The following RNF213 variants were observed in gnomAD, a reference collection of about 807,000 sequenced individuals.
RNF213 encodes the protein ring finger protein 213, also known as E3 ubiquitin-protein ligase RNF213.
Under a neutral mutation model 514.4 loss-of-function variants are expected in RNF213, and 341 were observed. The ratio of observed to expected loss-of-function variants is 0.66; its 90% CI spans 0.61 to 0.73. RNF213 has a LOEUF of 0.73. Among genes scored for constraint, RNF213 ranks in the 30% least tolerant of loss-of-function variants. The probability of loss-of-function intolerance (pLI) is 0.00; values close to 1 mark genes in which losing one functional copy is unlikely to be tolerated. For missense variants in RNF213, 5,767 were observed against 6,615.6 expected (o/e 0.87, Z 4.45); for synonymous variants, 2,655 against 2,658.2 (o/e 1.00, Z 0.04).
chr17:80,281,943 G>A (rs190174048), intron 3 of RNF213, among the ~76,000 whole-genome samples: 194 of 151,970 alleles, frequency 1.3e-3, no homozygotes, highest in African/African-American at 4.4e-3. Flanking sequence ...TGCAACCTCC[G>A]CCTCCTGGGT....
chr17:80,300,784 T>G (rs946851548), intron 11 of RNF213, among the ~76,000 whole-genome samples: 3 of 152,052 alleles, frequency 2.0e-5, no homozygotes, highest in African/African-American at 7.2e-5. Context: ...ACCCCAGACC[T>G]CAAGTGATCC....
intron 67 of RNF213, 64 bp downstream of exon 67, chr17:80,390,260 T>C (rs2080411484): frequency 1.3e-6 from 2 of 1,513,876 alleles, no homozygotes; most frequent in Non-Finnish European, 1.8e-6. Flanking sequence ...CCTGTGATCT[T>C]CTATAGACAC....
chr17:80,328,299 G>C (rs570382384), intron 19 of RNF213, 29 bp from the exon 20 acceptor site: 1,402 of 1,527,326 alleles, frequency 9.2e-4, no homozygotes, highest in Non-Finnish European at 1.1e-3. Context: ...GCTGTATTGG[G>C]TTACTTTATT....
rs146548999 is a variant in RNF213, at chr17:80,351,767, G to A, written c.10267G>A (p.Val3423Met). 1.9e-6 allele frequency: 3 copies of A among 1,611,800 alleles called. No individual in the cohort carries two copies. Among genetic ancestry groups the A allele is most frequent in the Admixed American group, 1.7e-5 (1 of 60,008 alleles). Residue 3423 changes from valine (V) to methionine (M), a missense_variant, in exon 32 of 68, where the codon GTG (valine) becomes ATG (methionine). By Grantham distance (21) the Val-to-Met change is conservative. Transcript: ENST00000582970. ...FVYFITKLSR[V>M]GRGTAYVGFH... ...CTATTTCATCACAAAACTGTCCCGGGTGGGAAGAGGAACAGCCTATGTGGG... is the reference window on the plus strand; with the variant it reads ...CTATTTCATCACAAAACTGTCCCGGATGGGAAGAGGAACAGCCTATGTGGG...
intron 22 of RNF213, among the ~76,000 whole-genome samples, chr17:80,334,976 C>T (rs1166829563): frequency 6.7e-6 from 1 of 150,158 alleles, no homozygotes; most frequent in African/African-American, 2.5e-5. Context: ...GGCTGGAGTG[C>T]AGTGGTGCAA....
rs542723600 is a variant in RNF213 at position 80,349,596 on chromosome 17, G to A, written c.9952-174G>A. On this transcript the variant is annotated intron_variant, in intron 29 of 67. Coordinates refer to ENST00000582970, the MANE Select transcript of RNF213 (RefSeq NM_001256071.3). ...TGCCTTTGGCCCTGTAGGGCCTCTC[G>A]GCCCCAGCGCTGCCGTGTTTTGGGA... Among the ~76,000 whole-genome samples the A allele has an allele frequency of 1.1e-4, 17 of 152,274 alleles. 1 individual carries two copies. The highest frequency in any genetic ancestry group is 3.4e-3 in the Middle Eastern group (1 of 294).
intron 2 of RNF213, among the ~76,000 whole-genome samples, chr17:80,270,215 C>T (rs1325182412): frequency 6.6e-6 from 1 of 152,234 alleles, no homozygotes; most frequent in African/African-American, 2.4e-5. Flanking sequence ...ACCTCAGCAG[C>T]CTCCCTGGCT....
At position 80,295,641 on chromosome 17, in the gene RNF213, T is replaced by C. The variant is rs770588058; in HGVS notation, c.1840T>C (p.Cys614Arg). 1 of 1,614,174 alleles carries C rather than the reference T, an allele frequency of 6.2e-7. No homozygotes were observed. Among genetic ancestry groups the C allele is most frequent in the East Asian group, 2.2e-5 (1 of 44,892 alleles). Residue 614 changes from cysteine (C) to arginine (R), a missense_variant, in exon 10 of 68, where the codon TGC becomes CGC. Physicochemically the swap from Cys to Arg is radical, Grantham distance 180. Coordinates refer to ENST00000582970, the MANE Select transcript of RNF213 (RefSeq NM_001256071.3). ...GKSTDFLPVDCPVRSKLKTGL... is the reference protein window; with the variant it reads ...GKSTDFLPVDRPVRSKLKTGL... Reference sequence around the variant, plus strand: ...AAGCACGGACTTTTTGCCTGTGGACTGCCCAGTGAGGAGTAAACTGAAAAC... The same window carrying C: ...AAGCACGGACTTTTTGCCTGTGGACCGCCCAGTGAGGAGTAAACTGAAAAC...
Position 80,294,779 on chromosome 17 carries a change from A to G in RNF213, c.1531A>G (p.Met511Val). ...MKPHGRLQKV[M>V]NHITDGPRKD... ...GCCTCATGGGAGACTCCAGAAAGTC[A>G]TGAACCACATCACAGACGGGCCGAG... Residue 511 changes from methionine (M) to valine (V), a missense_variant, in exon 9 of 68, where the codon ATG (methionine) becomes GTG (valine). This residue lies in a region of RNF213 where 592 missense variants were observed against 673.9 expected (regional missense o/e 0.88). Transcript: ENST00000582970. The G allele has an allele frequency of 1.2e-6, 2 of 1,614,204 alleles. No individual in the cohort carries two copies. Among genetic ancestry groups the G allele is most frequent in the Non-Finnish European group, 1.7e-6 (2 of 1,180,050 alleles).
chr17:80,350,305 T>C lies in RNF213; in HGVS notation c.10093T>C (p.Cys3365Arg), dbSNP rs368421294. ...EYSFLKEVRN[C>R]LTNTAKCKIL... ...ATAACTTCCCTTTTCTTTCAGAAAC[T>C]GTTTAACGAATACAGCCAAATGTAA... Residue 3365 changes from cysteine to arginine, a missense_variant, in exon 31 of 68, where the codon TGT (cysteine) becomes CGT (arginine). Cys to Arg is a radical substitution (Grantham distance 180). This residue lies in a region of RNF213 where 919 missense variants were observed against 1,121.0 expected (regional missense o/e 0.82). Transcript: ENST00000582970. 2.8e-5 allele frequency: 45 copies of C among 1,593,430 alleles called. No homozygotes were observed. The African/African-American group carries it at 3.2e-4, about 11-fold the overall frequency.
At chr17:80,290,441 A>C in intron 6 of RNF213, 129 bp from the exon 7 acceptor site, 2 of 1,093,360 alleles carry the variant, frequency 1.8e-6, no homozygotes, top group South Asian at 2.5e-5. Flanking sequence ...GCGTGTGTGC[A>C]TGTGTGTGTG....
chr17:80,392,958 C>T (rs2080539948), intron 67 of RNF213, among the ~76,000 whole-genome samples: 1 of 151,084 alleles, frequency 6.6e-6, no homozygotes, highest in African/African-American at 2.4e-5. Context: ...CATGAGGGGA[C>T]TGATTGGTCC....
Position 80,339,579 on chromosome 17 carries a change from C to T in RNF213, c.5212C>T (p.Leu1738=). ...MLSFIKSNCT[L]RDVLRASVGC... ...ATCCTTCATCAAAAGCAACTGCACC[C>T]TGAGGGATGTCTTAAGGGCCTCTGT... Residue 1738 remains leucine (L), a synonymous_variant, in exon 26 of 68, where the codon CTG becomes TTG. Transcript: ENST00000582970. 6.5e-7 allele frequency: 1 copy of T among 1,537,210 alleles called. No homozygotes were observed. Among genetic ancestry groups the T allele is most frequent in the South Asian group, 1.2e-5 (1 of 84,064 alleles).
At chr17:80,373,763 G>A (rs533005390) in intron 49 of RNF213, among the ~76,000 whole-genome samples, 1 of 152,164 alleles carries the variant, frequency 6.6e-6, no homozygotes, top group East Asian at 1.9e-4. Context: ...TTGGGAGGCC[G>A]AGGCAGGCGG....
intron 12 of RNF213, 138 bp from the exon 13 acceptor site, chr17:80,306,990 A>G: frequency 1.2e-6 from 1 of 816,120 alleles, no homozygotes; most frequent in Non-Finnish European, 2.2e-6. Flanking sequence ...TTAGTATGTG[A>G]GCACCTTAAA....
Position 80,389,450 on chromosome 17 carries a change from A to C in RNF213, c.15195+83A>C, listed in dbSNP as rs2080373259. Reference sequence around the variant, plus strand: ...CCGCGAGGGATAGGAGCATTCAGGGAGTGCCACTCTAGGCGCTCCTGAAAA... The same window carrying C: ...CCGCGAGGGATAGGAGCATTCAGGGCGTGCCACTCTAGGCGCTCCTGAAAA... On this transcript the variant is annotated intron_variant, in intron 65 of 67. Coordinates refer to ENST00000582970, the MANE Select transcript of RNF213 (RefSeq NM_001256071.3). 4 of 1,266,698 alleles carry C rather than the reference A, an allele frequency of 3.2e-6. No individual in the cohort carries two copies. In the South Asian group the frequency reaches 3.7e-5, roughly 12 times the overall value. 78.5% of individuals were successfully genotyped at this position (1,266,698 alleles called of 1,614,324 possible). A position where few individuals can be genotyped will look rare whatever the true frequency, so the allele number is the denominator to read the frequency against.
intron 46 of RNF213, 25 bp from the exon 47 acceptor site, chr17:80,371,849 A>G: frequency 1.7e-6 from 2 of 1,182,256 alleles, no homozygotes; most frequent in Non-Finnish European, 2.5e-6. Context: ...TGAGAGAACC[A>G]GGAATAATAT....
In RNF213 at chr17:80,398,787, GAA is replaced by G. The variant is rs1253991288; in HGVS notation, c.*5295_*5296del. On this transcript the variant is annotated 3_prime_UTR_variant, in exon 68 of 68. Transcript: ENST00000582970. ...AGACAGAAAATCAAGAGGAAAAAAA[GAA>G]AAAAAGAGATATATATACAAGTAGT... 1 of 151,538 alleles carries G rather than the reference GAA, an allele frequency of 6.6e-6. No homozygotes were observed. The highest frequency in any genetic ancestry group is 2.4e-5 in the African/African-American group (1 of 41,286). 9.4% of individuals were successfully genotyped at this position (151,538 alleles called of 1,614,324 possible). A position where few individuals can be genotyped will look rare whatever the true frequency, so the allele number is the denominator to read the frequency against.
At chr17:80,372,426 T>C in intron 47 of RNF213, 95 bp from the exon 48 acceptor site, 1 of 869,714 alleles carries the variant, frequency 1.1e-6, no homozygotes, top group Non-Finnish European at 1.9e-6. Context: ...TCTTCTATCC[T>C]TCCTTCTCCA....
Sources: gnomAD v4.1 joint callset for allele counts (sites outside exome capture counted in the v4.1 genomes callset) on GRCh38, gnomAD v4.1.1 for gene constraint, gnomAD v4.1.1 regional missense constraint, MANE v1.5 for transcripts, NCBI Gene and HGNC (gene_info 2026-07-23, HGNC 2026-07-21) for gene names.